The following BRINP3 variants were observed in gnomAD, a reference collection of about 807,000 sequenced individuals.
BRINP3 encodes BMP/retinoic acid-inducible neural-specific protein 3.
In BRINP3, 19 loss-of-function variants were observed where a neutral mutation model predicts 71.0. The observed-to-expected ratio is 0.27, with a 90% CI of 0.19 to 0.39. The LOEUF is 0.39. Ranked by LOEUF, BRINP3 falls within the 10% of genes least tolerant of loss-of-function variation. The pLI is 1.00. For synonymous variants in BRINP3, 380 were observed against 337.7 expected, an observed-to-expected ratio of 1.13 and a Z score of -1.37; for missense variants, 959 against 940.8, an observed-to-expected ratio of 1.02 and a Z score of -0.25.
At chr1:190,339,541 T>C (rs2103106213) in intron 2 of BRINP3, among the ~76,000 whole-genome samples, 1 of 152,048 alleles carries the variant, frequency 6.6e-6, no homozygotes, top group Middle Eastern at 3.4e-3. Context: ...TAAATTAAAA[T>C]CCCTGAAGAG....
In BRINP3 at chr1:190,190,120, C is replaced by A. The variant is rs139156800; in HGVS notation, c.962-29230G>T. Among the ~76,000 whole-genome samples the A allele has an allele frequency of 3.7e-3, 569 of 152,182 alleles. 3 individuals are homozygous for A. Among genetic ancestry groups the A allele is most frequent in the African/African-American group, 0.011 (437 of 41,528 alleles). On this transcript the variant is annotated intron_variant, in intron 6 of 7. Transcript: ENST00000367462. ...CTGGAGACTGAATTCACCAAGCAAG[C>A]CTTCATCCTGGGATTATTTGGTCTT...
At chr1:190,158,199 A>T (rs1263223007) in intron 7 of BRINP3, among the ~76,000 whole-genome samples, 1 of 151,982 alleles carries the variant, frequency 6.6e-6, no homozygotes, top group Non-Finnish European at 1.5e-5. Context: ...ATGAGATTTG[A>T]TAGTTTTAAA....
chr1:190,347,007 T>C (rs140225210), intron 2 of BRINP3, among the ~76,000 whole-genome samples: 2 of 152,020 alleles, frequency 1.3e-5, no homozygotes, highest in Admixed American at 1.3e-4. Flanking sequence ...AATAAGAAAA[T>C]AGCTTATGGA....
intron 2 of BRINP3, among the ~76,000 whole-genome samples, chr1:190,375,618 C>T (rs1269858471): frequency 1.3e-5 from 2 of 151,838 alleles, no homozygotes; most frequent in Non-Finnish European, 2.9e-5. Flanking sequence ...TATGAACAGG[C>T]AGTTATATAA....
chr1:190,343,827 A>G (rs1667828886), intron 2 of BRINP3, among the ~76,000 whole-genome samples: 1 of 151,694 alleles, frequency 6.6e-6, no homozygotes, highest in Non-Finnish European at 1.5e-5. Flanking sequence ...ATACTCAGAT[A>G]TCAAACAGCA....
At chr1:190,430,397 A>T (rs1345726423) in intron 2 of BRINP3, among the ~76,000 whole-genome samples, 1 of 152,128 alleles carries the variant, frequency 6.6e-6, no homozygotes, top group Non-Finnish European at 1.5e-5. Flanking sequence ...GAAATGAAGG[A>T]TTAGTCAAGG....
chr1:190,215,281 C>A (rs1262738626), intron 6 of BRINP3, among the ~76,000 whole-genome samples: 3 of 151,760 alleles, frequency 2.0e-5, no homozygotes, highest in African/African-American at 7.3e-5. Context: ...AGCTCAATCC[C>A]ATACTTTGTG....
chr1:190,301,172 T>C (rs1484550211), intron 2 of BRINP3, among the ~76,000 whole-genome samples: 3 of 56,968 alleles, frequency 5.3e-5, no homozygotes, highest in African/African-American at 1.7e-4. Flanking sequence ...TATACATATA[T>C]ATACATATAT....
intron 2 of BRINP3, among the ~76,000 whole-genome samples, chr1:190,296,144 TC>T (rs1215146254): frequency 1.3e-5 from 2 of 151,778 alleles, no homozygotes; most frequent in Non-Finnish European, 2.9e-5. Context: ...AAGGATCTTT[TC>T]CCCTATATTT....
intron 6 of BRINP3, among the ~76,000 whole-genome samples, chr1:190,214,387 G>A (rs1399744323): frequency 1.3e-5 from 2 of 152,044 alleles, no homozygotes; most frequent in African/African-American, 4.8e-5. Flanking sequence ...ATTCATGGGA[G>A]TTTTGTTCTG....
intron 3 of BRINP3, among the ~76,000 whole-genome samples, chr1:190,269,445 A>G (rs1661923893): frequency 6.6e-6 from 1 of 152,126 alleles, no homozygotes; most frequent in African/African-American, 2.4e-5. Flanking sequence ...AGATTTTTTC[A>G]GCACAAAATC....
At chr1:190,121,049 A>G (rs1229430663) in intron 7 of BRINP3, among the ~76,000 whole-genome samples, 2 of 152,206 alleles carry the variant, frequency 1.3e-5, no homozygotes, top group Non-Finnish European at 1.5e-5. Context: ...ACATGTTGTC[A>G]ACCAAAGTGA....
intron 7 of BRINP3, among the ~76,000 whole-genome samples, chr1:190,134,426 A>T (rs1654803789): frequency 1.3e-5 from 2 of 152,086 alleles, no homozygotes; most frequent in Admixed American, 1.3e-4. Context: ...GTGAAAAGGA[A>T]ATCAGGGTAG....
chr1:190,362,948 A>T (rs915458176), intron 2 of BRINP3, among the ~76,000 whole-genome samples: 1 of 152,176 alleles, frequency 6.6e-6, no homozygotes, highest in Non-Finnish European at 1.5e-5. Context: ...TTAAAATAAA[A>T]TCTTGATTCC....
chr1:190,308,523 A>T (rs61818760), intron 2 of BRINP3, among the ~76,000 whole-genome samples: 3,298 of 151,872 alleles, frequency 0.022, 53 homozygotes, highest in Non-Finnish European at 0.034. Context: ...GGATAGCATT[A>T]GGTGATATAC....
chr1:190,216,641 A>T (rs573050718), intron 6 of BRINP3, among the ~76,000 whole-genome samples: 2 of 151,902 alleles, frequency 1.3e-5, no homozygotes, highest in Non-Finnish European at 1.5e-5. Context: ...CAAATATAAA[A>T]TGGCTTAGCA....
At chr1:190,435,610 A>G (rs1276253103) in intron 2 of BRINP3, among the ~76,000 whole-genome samples, 1 of 152,096 alleles carries the variant, frequency 6.6e-6, no homozygotes, top group Non-Finnish European at 1.5e-5. Flanking sequence ...ATGTTTTTGT[A>G]AACTAAAATG....
chr1:190,412,461 T>TTTTG (rs1336609202), intron 2 of BRINP3, among the ~76,000 whole-genome samples: 10 of 139,420 alleles, frequency 7.2e-5, no homozygotes, highest in Non-Finnish European at 1.4e-4. Flanking sequence ...GTTTTGTTTT[T>TTTTG]TTTTGTTTTT....
intron 5 of BRINP3, 78 bp downstream of exon 5, chr1:190,234,294 T>TA: frequency 9.1e-7 from 1 of 1,104,708 alleles, no homozygotes; most frequent in South Asian, 1.7e-5. Flanking sequence ...CAGTTTACTT[T>TA]AAAAAATGGA....
Sources: allele counts gnomAD v4.1 joint callset (sites outside exome capture counted in the v4.1 genomes callset), GRCh38; gene constraint gnomAD v4.1.1; transcripts MANE v1.5; gene names NCBI Gene and HGNC (gene_info 2026-07-23, HGNC 2026-07-21).